ULK2: variants seen among roughly 807,000 people sequenced by gnomAD.
The protein encoded by ULK2 is serine/threonine-protein kinase ULK2.
ULK2 carries 76 observed loss-of-function variants against 127.5 expected under a neutral mutation model. The observed-to-expected ratio is 0.60, with a 90% CI of 0.50 to 0.72. The LOEUF (loss-of-function observed/expected upper bound fraction) is 0.72, where lower values mean the gene tolerates loss of function less well. Ranked by LOEUF, ULK2 falls within the 30% of genes least tolerant of loss-of-function variation. ULK2 has a pLI of 0.00. For missense variants in ULK2, 1,144 were observed against 1,295.9 expected (o/e 0.88, Z 1.80); for synonymous variants, 452 against 461.9 (o/e 0.98, Z 0.28).
At chr17:19,806,041 T>G (rs1305627240) in intron 14 of ULK2, among the ~76,000 whole-genome samples, 1 of 152,146 alleles carries the variant, frequency 6.6e-6, no homozygotes, top group East Asian at 1.9e-4. Flanking sequence ...CATCTGATTC[T>G]TCAGTTTATC....
At chr17:19,867,305 G>A in intron 1 of ULK2, 23 bp downstream of exon 1, 1 of 1,544,008 alleles carries the variant, frequency 6.5e-7, no homozygotes, top group Non-Finnish European at 8.7e-7. Context: ...CCGGGGCCCG[G>A]CCTCGCCCCG....
rs147362009 is a variant in ULK2 at position 19,833,811 on chromosome 17, C to T, written c.787+4690G>A. ...AATATGGAAAAATGAACAGACTCAGCTGTGCGACATCATCAAGCATAGACC... is the reference window on the plus strand; with the variant it reads ...AATATGGAAAAATGAACAGACTCAGTTGTGCGACATCATCAAGCATAGACC... On this transcript the variant is annotated intron_variant, in intron 10 of 26. Coordinates refer to ENST00000395544, the MANE Select transcript of ULK2 (RefSeq NM_014683.4). Among the ~76,000 whole-genome samples the T allele has an allele frequency of 4.0e-3, 604 of 152,236 alleles. 3 individuals carry two copies. Among genetic ancestry groups the T allele is most frequent in the African/African-American group, 0.013 (546 of 41,536 alleles).
In ULK2 at chr17:19,867,451, G is replaced by A. The variant is rs1567736544; in HGVS notation, c.-34C>T. On this transcript the variant is annotated 5_prime_UTR_variant, in exon 1 of 27. Coordinates refer to ENST00000395544, the MANE Select transcript of ULK2 (RefSeq NM_014683.4). ...CCCCGGGGCACACAGCGGACGGGCGGGCGGCGCAGTGCGGCGCAGGTATCA... is the reference window on the plus strand; with the variant it reads ...CCCCGGGGCACACAGCGGACGGGCGAGCGGCGCAGTGCGGCGCAGGTATCA... 1.9e-6 allele frequency: 3 copies of A among 1,570,922 alleles called. No individual in the cohort carries two copies. The highest frequency in any genetic ancestry group is 2.6e-6 in the Non-Finnish European group (3 of 1,158,342).
intron 10 of ULK2, among the ~76,000 whole-genome samples, chr17:19,835,639 C>T (rs2041576234): frequency 6.6e-6 from 1 of 150,764 alleles, no homozygotes; most frequent in South Asian, 2.1e-4. Flanking sequence ...ATGGCATGAA[C>T]CCAGGAGGCA....
chr17:19,840,544 T>C, intron 9 of ULK2: 1 of 333,420 alleles, frequency 3.0e-6, no homozygotes, highest in Non-Finnish European at 5.9e-6. Flanking sequence ...TATGTACTCC[T>C]GCCTAAATAG....
Position 19,795,707 on chromosome 17 carries a change from C to A in ULK2, c.2016G>T (p.Lys672Asn). The A allele has an allele frequency of 6.2e-7, 1 of 1,613,950 alleles. No individual in the cohort carries two copies. The highest frequency in any genetic ancestry group is 8.5e-7 in the Non-Finnish European group (1 of 1,179,912). ...GAGTCTTTCCTTGTTGATCTGATAACTTCCCGGTACTGACAGATCTAAAAA... is the reference window on the plus strand; with the variant it reads ...GAGTCTTTCCTTGTTGATCTGATAAATTCCCGGTACTGACAGATCTAAAAA... ...AVFGRSVSTG[K>N]LSDQQGKTPI... The change falls in exon 20 of 27, where the codon AAG (lysine) becomes AAT (asparagine). Residue 672 changes from lysine (K) to asparagine (N), a missense_variant. Lys to Asn is a moderately conservative substitution (Grantham distance 94). This residue lies in a region of ULK2 where 913 missense variants were observed against 970.5 expected (regional missense o/e 0.94). Transcript: ENST00000395544.
At chr17:19,849,443 G>A in intron 4 of ULK2, 38 bp from the exon 5 acceptor site, 1 of 1,564,480 alleles carries the variant, frequency 6.4e-7, no homozygotes, top group Non-Finnish European at 8.8e-7. Context: ...AATAAGGACA[G>A]TGATTCAAGA....
At chr17:19,800,676 C>A (rs2087378649) in intron 16 of ULK2, among the ~76,000 whole-genome samples, 1 of 152,168 alleles carries the variant, frequency 6.6e-6, no homozygotes, top group Non-Finnish European at 1.5e-5. Flanking sequence ...CTCTTTGTCT[C>A]TGGAGACTTC....
Position 19,798,560 on chromosome 17 carries a change from T to C in ULK2, c.1523-878A>G, listed in dbSNP as rs1260116012. ...ACAGAAACCAACAGAAGCTTTGCTA[T>C]TGACCACTTCTGGCTTCATCTCTTT... is the stretch of plus-strand genomic sequence containing the variant. On this transcript the variant is annotated intron_variant, in intron 17 of 26. Coordinates refer to ENST00000395544, the MANE Select transcript of ULK2 (RefSeq NM_014683.4). Among the ~76,000 whole-genome samples, 4 of 152,228 alleles carry C rather than the reference T, an allele frequency of 2.6e-5. No homozygotes were observed. In the East Asian group the frequency reaches 5.8e-4, roughly 22 times the overall value.
chr17:19,845,785 C>A (rs2041866008), intron 6 of ULK2, among the ~76,000 whole-genome samples: 1 of 152,032 alleles, frequency 6.6e-6, no homozygotes, highest in African/African-American at 2.4e-5. Context: ...TCTCTGAGAT[C>A]CCTACGTCAA....
intron 17 of ULK2, 59 bp from the exon 18 acceptor site, chr17:19,797,741 A>G: frequency 7.4e-7 from 1 of 1,349,034 alleles, no homozygotes. Context: ...GCAAAAATGT[A>G]AAAATTAAGA....
intron 12 of ULK2, among the ~76,000 whole-genome samples, chr17:19,819,891 A>G (rs1475621958): frequency 6.6e-6 from 1 of 152,062 alleles, no homozygotes; most frequent in Non-Finnish European, 1.5e-5. Context: ...AAAAGGTGCA[A>G]GGGTCTCAAG....
At chr17:19,785,107 A>T (rs2087000202) in intron 21 of ULK2, among the ~76,000 whole-genome samples, 1 of 152,170 alleles carries the variant, frequency 6.6e-6, no homozygotes, top group African/African-American at 2.4e-5. Context: ...GTATTAACCT[A>T]TTTACAGATT....
At chr17:19,851,558 T>C in intron 3 of ULK2, among the ~76,000 whole-genome samples, 1 of 151,656 alleles carries the variant, frequency 6.6e-6, no homozygotes, top group South Asian at 2.1e-4. Flanking sequence ...GAGAATCGCT[T>C]GAGCCTGGGA....
At position 19,796,192 on chromosome 17, in the gene ULK2, T is replaced by G; in HGVS notation, c.1900A>C (p.Lys634Gln). The stretch of plus-strand genomic sequence containing the variant: ...CATTCCCGTGGCTCATTCCCATCTT[T>G]CGACTGTTCTTCAGCAGGCCCATGA... ...TRHGPAEEQS[K>Q]DGNEPRECAH... is the part of the protein sequence containing the mutation. Residue 634 changes from lysine to glutamine, a missense_variant, in exon 19 of 27, where the codon AAA (lysine) becomes CAA (glutamine). By Grantham distance (53) the Lys-to-Gln change is moderately conservative (BLOSUM62 1). Around this residue, in one of 2 missense-constraint regions of ULK2, gnomAD observed 913 missense variants for 970.5 expected, o/e 0.94. Coordinates refer to ENST00000395544, the MANE Select transcript of ULK2 (RefSeq NM_014683.4). The G allele has an allele frequency of 6.2e-7, 1 of 1,614,204 alleles. No individual in the cohort carries two copies. The highest frequency in any genetic ancestry group is 1.3e-5 in the African/African-American group (1 of 75,046).
At chr17:19,838,665 T>TA in intron 9 of ULK2, 82 bp from the exon 10 acceptor site, 1 of 1,144,936 alleles carries the variant, frequency 8.7e-7, no homozygotes, top group Non-Finnish European at 1.3e-6. Flanking sequence ...TATAGTAAAC[T>TA]AAAACGTGTA....
At position 19,838,183 on chromosome 17, in the gene ULK2, A is replaced by ACCCC. The variant is rs1419646404; in HGVS notation, c.787+314_787+317dup. 2.7e-5 allele frequency among the ~76,000 whole-genome samples: 3 copies of ACCCC among 111,318 alleles called. No individual in the cohort carries two copies. In the South Asian group the frequency reaches 9.2e-4, roughly 34 times the overall value. The allele number at this position is 111,318 out of a possible 152,430, so 73.0% of individuals were successfully genotyped here. A position where few individuals can be genotyped will look rare whatever the true frequency, so the allele number is the denominator to read the frequency against. ...TACCTTATTTAAAATTTCAATCCCC[A>ACCCC]CCCCCACCCCACCCCCACTTCTTTA... On this transcript the variant is annotated intron_variant, in intron 10 of 26. Coordinates refer to ENST00000395544, the MANE Select transcript of ULK2 (RefSeq NM_014683.4).
intron 10 of ULK2, among the ~76,000 whole-genome samples, chr17:19,835,962 A>T (rs2041585879): frequency 6.6e-6 from 1 of 151,518 alleles, no homozygotes; most frequent in Non-Finnish European, 1.5e-5. Flanking sequence ...TCCCTACAAA[A>T]GGGTAAAAAA....
At chr17:19,813,749 G>A (rs971185365) in intron 13 of ULK2, among the ~76,000 whole-genome samples, 1 of 152,084 alleles carries the variant, frequency 6.6e-6, no homozygotes, top group Non-Finnish European at 1.5e-5. Context: ...CAAAAGATGT[G>A]AATGCTCTTT....
Sources: gnomAD v4.1 joint callset for allele counts (sites outside exome capture counted in the v4.1 genomes callset) on GRCh38, gnomAD v4.1.1 for gene constraint, gnomAD v4.1.1 regional missense constraint, MANE v1.5 for transcripts, NCBI Gene and HGNC (gene_info 2026-07-23, HGNC 2026-07-21) for gene names.